The following IL1RAPL1 variants were observed in gnomAD, a reference collection of about 807,000 sequenced individuals.
IL1RAPL1 encodes interleukin 1 receptor accessory protein like 1, also known as interleukin-1 receptor accessory protein-like 1.
IL1RAPL1 carries 3 observed loss-of-function variants against 48.4 expected under a neutral mutation model. The ratio of observed to expected loss-of-function variants is 0.06; its 90% CI spans 0.03 to 0.16. The LOEUF is 0.16. IL1RAPL1 is among the 10% of genes least tolerant of loss of function. IL1RAPL1 has a pLI of 1.00. For missense variants in IL1RAPL1, 349 were observed against 530.6 expected (o/e 0.66, Z 3.36); for synonymous variants, 185 against 187.7 (o/e 0.99, Z 0.12).
intron 2 of IL1RAPL1, among the ~76,000 whole-genome samples, chrX:29,045,612 T>C (rs1169392682): frequency 9.0e-6 from 1 of 111,312 alleles, no homozygotes; most frequent in African/African-American, 3.3e-5. Flanking sequence ...ACTACAGGCA[T>C]GGGCACTTGC....
rs1933257607 is a variant in IL1RAPL1 at position 29,353,254 on chromosome X, C to T, written c.363-43004C>T. Among the ~76,000 whole-genome samples the T allele has an allele frequency of 4.5e-5, 5 of 111,466 alleles. No homozygotes were observed. The South Asian group carries it at 1.9e-3, about 41-fold the overall frequency. ...ATTATTGAGATGATTGGCAAGACCA[C>T]TTAGGCTGTCAGATAATTAAATGAA... On this transcript the variant is annotated intron_variant, in intron 3 of 10. Coordinates refer to ENST00000378993, the MANE Select transcript of IL1RAPL1 (RefSeq NM_014271.4).
intron 2 of IL1RAPL1, among the ~76,000 whole-genome samples, chrX:28,821,511 T>C (rs1183029291): frequency 8.9e-6 from 1 of 111,823 alleles, no homozygotes; most frequent in Admixed American, 9.5e-5. Context: ...CTAAGCAGTA[T>C]TGTCAGTGTA....
chrX:29,414,909 G>A (rs943568944), intron 5 of IL1RAPL1, among the ~76,000 whole-genome samples: 1 of 111,478 alleles, frequency 9.0e-6, no homozygotes. Flanking sequence ...GGAAAGATTA[G>A]CAAGATAAGC....
intron 3 of IL1RAPL1, among the ~76,000 whole-genome samples, chrX:29,387,612 C>T (rs1322850193): frequency 1.8e-5 from 2 of 112,301 alleles, no homozygotes; most frequent in African/African-American, 6.5e-5. Context: ...TGTAGCTTTT[C>T]AGTGCAGAGT....
chrX:29,168,245 G>A (rs952455129), intron 2 of IL1RAPL1, among the ~76,000 whole-genome samples: 5 of 107,935 alleles, frequency 4.6e-5, no homozygotes, highest in Non-Finnish European at 9.6e-5. Flanking sequence ...ATTGTTATTT[G>A]CTATAGTCAC....
intron 1 of IL1RAPL1, among the ~76,000 whole-genome samples, chrX:28,773,061 A>C (rs1300483443): frequency 6.6e-5 from 7 of 105,460 alleles, no homozygotes; most frequent in East Asian, 3.0e-4. Context: ...TTCTTATAAT[A>C]TCTCTCTCTC....
chrX:29,875,534 A>G (rs1931883943), intron 6 of IL1RAPL1, among the ~76,000 whole-genome samples: 1 of 111,636 alleles, frequency 9.0e-6, no homozygotes, highest in South Asian at 3.8e-4. Context: ...GTGCACCCAG[A>G]GAAGGGAGTT....
intron 2 of IL1RAPL1, among the ~76,000 whole-genome samples, chrX:28,996,042 T>G (rs1237127664): frequency 2.7e-5 from 3 of 111,622 alleles, no homozygotes; most frequent in African/African-American, 9.8e-5. Flanking sequence ...CAAAATTAAT[T>G]TTAGAACATT....
chrX:28,620,370 C>T (rs1162082626), intron 1 of IL1RAPL1, among the ~76,000 whole-genome samples: 1 of 111,825 alleles, frequency 8.9e-6, no homozygotes, highest in Non-Finnish European at 1.9e-5. Context: ...AGTATAGTCA[C>T]CAGACAGTCT....
chrX:28,707,712 G>C (rs1431899249), intron 1 of IL1RAPL1, among the ~76,000 whole-genome samples: 1 of 111,695 alleles, frequency 9.0e-6, no homozygotes, highest in Non-Finnish European at 1.9e-5. Flanking sequence ...ACAATATATT[G>C]CTTCATGTTT....
chrX:28,965,515 G>A (rs1377039765), intron 2 of IL1RAPL1, among the ~76,000 whole-genome samples: 4 of 111,624 alleles, frequency 3.6e-5, no homozygotes, highest in African/African-American at 1.3e-4. Context: ...ATAAACCTTA[G>A]GAATTAAGTT....
At chrX:28,684,898 T>G (rs1043721122) in intron 1 of IL1RAPL1, among the ~76,000 whole-genome samples, 4 of 112,031 alleles carry the variant, frequency 3.6e-5, no homozygotes, top group African/African-American at 1.3e-4. Context: ...GTGTAACTAT[T>G]AACTACGTTA....
chrX:28,919,707 C>T (rs780665541), intron 2 of IL1RAPL1, among the ~76,000 whole-genome samples: 11 of 111,752 alleles, frequency 9.8e-5, no homozygotes, highest in South Asian at 3.7e-4. Context: ...CTGACACATA[C>T]GCATTCCATA....
rs774230584 is a variant in IL1RAPL1, at chrX:29,153,895, A to G, written c.83-129043A>G. On this transcript the variant is annotated intron_variant, in intron 2 of 10. Coordinates refer to ENST00000378993, the MANE Select transcript of IL1RAPL1 (RefSeq NM_014271.4). ...TCAATCTCTGTTTTAGAAGTTTATC[A>G]TAATATTAGTACATAAACTGAACAC... 3.6e-5 allele frequency among the ~76,000 whole-genome samples: 4 copies of G among 112,339 alleles called. No homozygotes were observed. The Admixed American group carries it at 3.8e-4, about 11-fold the overall frequency.
intron 3 of IL1RAPL1, among the ~76,000 whole-genome samples, chrX:29,295,410 T>C (rs1036351915): frequency 1.8e-5 from 2 of 111,789 alleles, no homozygotes; most frequent in Non-Finnish European, 3.8e-5. Flanking sequence ...ACTTTCTAGG[T>C]TCTCTGATGG....
chrX:28,674,623 C>T (rs377413337), intron 1 of IL1RAPL1, among the ~76,000 whole-genome samples: 1 of 111,592 alleles, frequency 9.0e-6, no homozygotes, highest in Non-Finnish European at 1.9e-5. Context: ...GCTATGAGTC[C>T]TAATGTTGGT....
At chrX:29,878,474 T>G (rs1931956816) in intron 6 of IL1RAPL1, among the ~76,000 whole-genome samples, 1 of 111,848 alleles carries the variant, frequency 8.9e-6, no homozygotes, top group African/African-American at 3.2e-5. Context: ...TTTGAGACAT[T>G]GCCATGAACA....
intron 1 of IL1RAPL1, among the ~76,000 whole-genome samples, chrX:28,785,475 C>T (rs916997359): frequency 3.6e-5 from 4 of 111,626 alleles, no homozygotes; most frequent in African/African-American, 1.3e-4. Flanking sequence ...TGATTGTATC[C>T]TTAAATATCC....
At chrX:29,597,621 A>G (rs1171092285) in intron 5 of IL1RAPL1, among the ~76,000 whole-genome samples, 1 of 112,092 alleles carries the variant, frequency 8.9e-6, no homozygotes, top group African/African-American at 3.2e-5. Flanking sequence ...TAGGATTGGT[A>G]TTCATTCTTC....
Sources: gnomAD v4.1 joint callset for allele counts (sites outside exome capture counted in the v4.1 genomes callset) on GRCh38, gnomAD v4.1.1 for gene constraint, MANE v1.5 for transcripts, NCBI Gene and HGNC (gene_info 2026-07-23, HGNC 2026-07-21) for gene names.